ROBO2: variants seen among roughly 807,000 people sequenced by gnomAD.
ROBO2 encodes roundabout homolog 2.
In ROBO2, 53 loss-of-function variants were observed where a neutral mutation model predicts 160.8. That is an observed-to-expected ratio of 0.33 (90% CI 0.26 to 0.41). The LOEUF (loss-of-function observed/expected upper bound fraction) is 0.41. ROBO2 is among the 10% of genes least tolerant of loss of function. The probability of loss-of-function intolerance (pLI) is 1.00; values close to 1 mark genes in which losing one functional copy is unlikely to be tolerated. For missense variants in ROBO2, 1,577 were observed against 1,722.4 expected (o/e 0.92, Z 1.49); for synonymous variants, 664 against 611.7 (o/e 1.09, Z -1.26).
At chr3:77,542,909 G>A (rs2092537927) in intron 6 of ROBO2, among the ~76,000 whole-genome samples, 1 of 152,126 alleles carries the variant, frequency 6.6e-6, no homozygotes, top group Admixed American at 6.5e-5. Context: ...GATCTTTAGA[G>A]TTTTCAGAAT....
At chr3:76,076,078 A>G (rs2068636278) in intron 2 of ROBO2, among the ~76,000 whole-genome samples, 1 of 152,220 alleles carries the variant, frequency 6.6e-6, no homozygotes, top group African/African-American at 2.4e-5. Flanking sequence ...CATTTGACCA[A>G]TAATATGTTG....
chr3:76,327,562 A>C (rs2073127630), intron 2 of ROBO2, among the ~76,000 whole-genome samples: 1 of 152,208 alleles, frequency 6.6e-6, no homozygotes, highest in Admixed American at 6.5e-5. Flanking sequence ...TTTAATAAGA[A>C]TCTTTCGTAT....
intron 2 of ROBO2, among the ~76,000 whole-genome samples, chr3:77,449,646 A>G (rs2080920390): frequency 6.6e-6 from 1 of 152,158 alleles, no homozygotes; most frequent in African/African-American, 2.4e-5. Flanking sequence ...TGACAGAAAC[A>G]GCACTGCAGT....
rs763574051 is a variant in ROBO2, at chr3:77,481,102, C to T, written c.550C>T (p.Arg184Cys). 17 of 1,611,128 alleles carry T rather than the reference C, an allele frequency of 1.1e-5. No individual in the cohort carries two copies. Among genetic ancestry groups the T allele is most frequent in the East Asian group, 4.5e-5 (2 of 44,802 alleles). Residue 184 changes from arginine to cysteine, a missense_variant, in exon 4 of 26, where the codon CGT becomes TGT. Transcript: ENST00000461745. ...TCTTTTTGTTTGATTTTAACAGATC[C>T]GTGGTGGAAAACTGATGATCTCCAA...
rs1000849928 is a variant in ROBO2, at chr3:76,170,765, T to C, written c.109+233163T>C. ...GGTTAGATACCAGAATAATCATACA[T>C]ACATATATCACTTAGATTATGCCAA... On this transcript the variant is annotated intron_variant, in intron 2 of 26. Transcript: ENST00000487694. 3.3e-5 allele frequency among the ~76,000 whole-genome samples: 5 copies of C among 152,180 alleles called. No homozygotes were observed. The East Asian group carries it at 7.7e-4, about 23-fold the overall frequency.
chr3:76,030,818 T>G (rs953242437), intron 2 of ROBO2, among the ~76,000 whole-genome samples: 1 of 152,210 alleles, frequency 6.6e-6, no homozygotes, highest in African/African-American at 2.4e-5. Context: ...CCAGCTTTGT[T>G]GTTTTTGCTT....
chr3:76,212,919 CTTT>C (rs375244708), intron 2 of ROBO2, among the ~76,000 whole-genome samples: 2 of 151,826 alleles, frequency 1.3e-5, no homozygotes, highest in Non-Finnish European at 2.9e-5. Context: ...CTTAGTTTCA[CTTT>C]TGGTATTTGG....
intron 2 of ROBO2, among the ~76,000 whole-genome samples, chr3:76,654,903 A>G (rs1380151234): frequency 7.6e-6 from 1 of 131,046 alleles, no homozygotes; most frequent in African/African-American, 2.9e-5. Context: ...ATGTGTGTAC[A>G]TATGTGTGTG....
intron 2 of ROBO2, among the ~76,000 whole-genome samples, chr3:76,566,368 C>T (rs938532466): frequency 2.0e-5 from 3 of 152,162 alleles, no homozygotes; most frequent in Non-Finnish European, 2.9e-5. Flanking sequence ...AGAGGCCTTA[C>T]GGTCTCCCTA....
intron 2 of ROBO2, among the ~76,000 whole-genome samples, chr3:76,059,099 G>A (rs1481988027): frequency 4.4e-4 from 67 of 150,822 alleles, no homozygotes; most frequent in Admixed American, 3.5e-3. Flanking sequence ...GAATAGTGCC[G>A]CAATAAACAT....
At chr3:76,637,699 A>AG (rs2090416836) in intron 2 of ROBO2, among the ~76,000 whole-genome samples, 1 of 152,198 alleles carries the variant, frequency 6.6e-6, no homozygotes, top group Non-Finnish European at 1.5e-5. Context: ...AGAGCCATTA[A>AG]GTAATAGAAG....
chr3:77,240,172 G>A (rs138241766), intron 2 of ROBO2, among the ~76,000 whole-genome samples: 9 of 152,262 alleles, frequency 5.9e-5, no homozygotes, highest in East Asian at 3.9e-4. Context: ...CTCGGGCCAC[G>A]CAGGAGCCCA....
chr3:77,455,449 T>G (rs2081531765), intron 2 of ROBO2, among the ~76,000 whole-genome samples: 1 of 152,164 alleles, frequency 6.6e-6, no homozygotes, highest in African/African-American at 2.4e-5. Context: ...TATACTCTTT[T>G]TCTTTTTGAG....
chr3:77,480,297 A>G (rs1258829868), intron 3 of ROBO2, among the ~76,000 whole-genome samples: 1 of 96,624 alleles, frequency 1.0e-5, no homozygotes, highest in South Asian at 4.4e-4. Flanking sequence ...GAATTAAATG[A>G]GTACCAAAAA....
At position 76,726,986 on chromosome 3, in the gene ROBO2, G is replaced by A. The variant is rs9875371; in HGVS notation, c.110-371028G>A. Among the ~76,000 whole-genome samples the A allele has an allele frequency of 8.0e-3, 1,225 of 152,252 alleles. 13 individuals carry two copies. The highest frequency in any genetic ancestry group is 0.026 in the African/African-American group (1,095 of 41,544). On this transcript the variant is annotated intron_variant, in intron 2 of 26. Transcript: ENST00000487694. ...TTTATGACTGACACACGTAAAACTG[G>A]AACTGATGTTCCCAATGATCGAGTC... is the stretch of plus-strand genomic sequence containing the variant.
rs1000863358 is a variant in ROBO2, at chr3:77,622,388, A to C, written c.3716A>C (p.Gln1239Pro). ...CCCAGGCCCCTGAGAGCACTGGACCAGACTCCTGGATCCAGCATGGACAAT... is the reference window on the plus strand; with the variant it reads ...CCCAGGCCCCTGAGAGCACTGGACCCGACTCCTGGATCCAGCATGGACAAT... Residue 1239 changes from glutamine to proline, a missense_variant, in exon 23 of 26, where the codon CAG (glutamine) becomes CCG (proline). Physicochemically the swap from Gln to Pro is moderately conservative, Grantham distance 76. Around this residue, in one of 2 missense-constraint regions of ROBO2, gnomAD observed 637 missense variants for 586.9 expected, o/e 1.09. Coordinates refer to ENST00000461745, the Ensembl canonical transcript of ROBO2. 2.5e-6 allele frequency: 4 copies of C among 1,614,140 alleles called. No homozygotes were observed. The highest frequency in any genetic ancestry group is 3.4e-6 in the Non-Finnish European group (4 of 1,180,028).
At chr3:77,129,601 T>C (rs1489736383) in intron 2 of ROBO2, among the ~76,000 whole-genome samples, 1 of 152,182 alleles carries the variant, frequency 6.6e-6, no homozygotes, top group Admixed American at 6.5e-5. Flanking sequence ...AGGCAAAACT[T>C]TGTAGCCCAA....
At chr3:77,066,608 A>G (rs551835352) in intron 1 of ROBO2, among the ~76,000 whole-genome samples, 5 of 152,296 alleles carry the variant, frequency 3.3e-5, no homozygotes, top group Admixed American at 1.3e-4. Flanking sequence ...ACAGTAGGGA[A>G]ATAAGTTAAT....
intron 2 of ROBO2, among the ~76,000 whole-genome samples, chr3:77,476,867 G>T (rs2084073146): frequency 1.3e-5 from 2 of 152,122 alleles, no homozygotes; most frequent in Admixed American, 6.5e-5. Flanking sequence ...TGCGTATGTG[G>T]GTGCTAGTGT....
Sources: gnomAD v4.1 joint callset for allele counts (sites outside exome capture counted in the v4.1 genomes callset) on GRCh38, gnomAD v4.1.1 for gene constraint, gnomAD v4.1.1 regional missense constraint, MANE v1.5 for transcripts, NCBI Gene and HGNC (gene_info 2026-07-23, HGNC 2026-07-21) for gene names.